SCAI: variants seen among roughly 807,000 people sequenced by gnomAD.
The protein encoded by SCAI is protein SCAI.
In SCAI, 24 loss-of-function variants were observed where a neutral mutation model predicts 92.2. The ratio of observed to expected loss-of-function variants is 0.26; its 90% CI spans 0.19 to 0.37. SCAI has a LOEUF of 0.37. Among genes scored for constraint, SCAI ranks in the 10% least tolerant of loss-of-function variants. SCAI has a pLI of 1.00. For missense variants in SCAI, 450 were observed against 736.2 expected (o/e 0.61, Z 4.50); for synonymous variants, 261 against 258.6 (o/e 1.01, Z -0.09).
chr9:125,106,120 AAAATATATATATATATATATAT>A (rs1834783447), intron 2 of SCAI, among the ~76,000 whole-genome samples: 1 of 18,148 alleles, frequency 5.5e-5, no homozygotes, highest in Non-Finnish European at 1.2e-4. Context: ...AAAAAAAAAA[AAAATATATATATATATATATAT>A]ATATATATAT....
At chr9:125,037,767 T>A (rs1429848176) in intron 3 of SCAI, among the ~76,000 whole-genome samples, 2 of 151,868 alleles carry the variant, frequency 1.3e-5, no homozygotes, top group Non-Finnish European at 2.9e-5. Flanking sequence ...ATACAAAATA[T>A]TAGCTGGGTC....
intron 9 of SCAI, among the ~76,000 whole-genome samples, chr9:125,010,376 T>G (rs1248509515): frequency 6.6e-6 from 1 of 152,094 alleles, no homozygotes; most frequent in African/African-American, 2.4e-5. Flanking sequence ...ACCAGGAGAT[T>G]ATATCCCGCA....
intron 14 of SCAI, among the ~76,000 whole-genome samples, chr9:124,984,282 T>C (rs981124103): frequency 6.6e-6 from 1 of 151,960 alleles, no homozygotes; most frequent in Non-Finnish European, 1.5e-5. Context: ...ATCAGAGATG[T>C]TTTTGGAAGA....
chr9:125,029,690 T>G lies in SCAI; in HGVS notation c.280A>C (p.Thr94Pro), dbSNP rs1204214481. The change falls in exon 4 of 18, where the codon ACT (threonine) becomes CCT (proline). Residue 94 changes from threonine (T) to proline (P), a missense_variant. Physicochemically the swap from Thr to Pro is conservative, Grantham distance 38 (BLOSUM62 -1). Coordinates refer to ENST00000336505, the MANE Select transcript of SCAI (RefSeq NM_001144877.3). ...CAGAGTTTGGTGTAAACATCAAAAG[T>G]TCTTCCAAAATAGGACTGCCACTGC... The part of the protein sequence containing the change: ...QKQWQSYFGR[T>P]FDVYTKLWKF... 1 of 1,613,302 alleles carries G rather than the reference T, an allele frequency of 6.2e-7. No individual in the cohort carries two copies. Among genetic ancestry groups the G allele is most frequent in the Non-Finnish European group, 8.5e-7 (1 of 1,179,600 alleles).
rs771219131 is a variant in SCAI at position 125,019,177 on chromosome 9, G to C, written c.638C>G (p.Thr213Ser). 2.9e-5 allele frequency: 46 copies of C among 1,586,856 alleles called. No individual in the cohort carries two copies. Among genetic ancestry groups the C allele is most frequent in the Non-Finnish European group, 3.9e-5 (46 of 1,167,502 alleles). The part of the protein sequence containing the change: ...KELSDEIEDY[T>S]HRFNTEDQVE... ...TTGATCTTCAGTATTAAATCGGTGA[G>C]TATAATCTTCAATTTCATCTGACAA... Residue 213 changes from threonine to serine, a missense_variant, in exon 8 of 18, where the codon ACT (threonine) becomes AGT (serine). Coordinates refer to ENST00000336505, the MANE Select transcript of SCAI (RefSeq NM_001144877.3).
chr9:125,106,260 A>T (rs1442231018), intron 2 of SCAI, among the ~76,000 whole-genome samples: 1 of 147,638 alleles, frequency 6.8e-6, no homozygotes, highest in African/African-American at 2.5e-5. Context: ...GTTTTCAAAT[A>T]AAAGCATGAT....
At chr9:125,125,070 A>C (rs1835232077) in intron 2 of SCAI, among the ~76,000 whole-genome samples, 1 of 151,908 alleles carries the variant, frequency 6.6e-6, no homozygotes, top group Admixed American at 6.6e-5. Context: ...AAAATACAAA[A>C]ATTAACCAGG....
At chr9:125,047,242 C>T (rs1212410485) in intron 3 of SCAI, among the ~76,000 whole-genome samples, 2 of 152,042 alleles carry the variant, frequency 1.3e-5, no homozygotes, top group African/African-American at 4.8e-5. Flanking sequence ...TTAGGACATA[C>T]AAAGAGGCGC....
chr9:125,126,578 G>GTA (rs2131258202), intron 2 of SCAI, among the ~76,000 whole-genome samples: 1 of 139,918 alleles, frequency 7.1e-6, no homozygotes, highest in African/African-American at 2.7e-5. Context: ...GTGTGTGTGT[G>GTA]TGTGTGTGTG....
intron 2 of SCAI, 32 bp downstream of exon 2, chr9:125,142,601 A>C (rs1327212804): frequency 6.3e-7 from 1 of 1,596,310 alleles, no homozygotes; most frequent in Non-Finnish European, 8.6e-7. Flanking sequence ...AAAAAGAAAA[A>C]CATGAAGCAA....
At chr9:125,056,796 C>G (rs1178731534) in intron 2 of SCAI, among the ~76,000 whole-genome samples, 1 of 152,090 alleles carries the variant, frequency 6.6e-6, no homozygotes, top group Non-Finnish European at 1.5e-5. Context: ...GAATACTGAC[C>G]ACTGCACTCT....
At chr9:125,024,111 T>G (rs1468168873) in intron 6 of SCAI, among the ~76,000 whole-genome samples, 1 of 152,122 alleles carries the variant, frequency 6.6e-6, no homozygotes, top group Non-Finnish European at 1.5e-5. Flanking sequence ...TCCTGCCTTC[T>G]ATTGTAATAA....
chr9:125,063,754 C>CTT (rs367915695), intron 2 of SCAI, among the ~76,000 whole-genome samples: 23 of 139,708 alleles, frequency 1.6e-4, no homozygotes, highest in Non-Finnish European at 2.8e-4. Context: ...TCCCTTTTAT[C>CTT]TTTTTTTTTT....
chr9:125,115,458 T>G (rs1458389951), intron 2 of SCAI, among the ~76,000 whole-genome samples: 1 of 151,822 alleles, frequency 6.6e-6, no homozygotes, highest in Non-Finnish European at 1.5e-5. Context: ...TGCTTGTTAT[T>G]TAGACACAAA....
chr9:124,961,119 G>A (rs1831426560), intron 17 of SCAI, among the ~76,000 whole-genome samples: 1 of 144,968 alleles, frequency 6.9e-6, no homozygotes, highest in South Asian at 2.2e-4. Flanking sequence ...CAGAGACTCT[G>A]TCTCAAATTA....
chr9:125,092,315 A>G (rs1286154740), intron 2 of SCAI, among the ~76,000 whole-genome samples: 1 of 150,866 alleles, frequency 6.6e-6, no homozygotes, highest in Non-Finnish European at 1.5e-5. Flanking sequence ...ATAAATAAAT[A>G]AATATTAGCC....
At chr9:125,108,946 A>T (rs1310054301) in intron 2 of SCAI, among the ~76,000 whole-genome samples, 1 of 152,184 alleles carries the variant, frequency 6.6e-6, no homozygotes, top group African/African-American at 2.4e-5. Context: ...AAGATAGAGA[A>T]ATCAGGTTGT....
intron 3 of SCAI, among the ~76,000 whole-genome samples, chr9:125,039,338 G>C (rs954225308): frequency 7.3e-6 from 1 of 136,444 alleles, no homozygotes; most frequent in Non-Finnish European, 1.5e-5. Flanking sequence ...AGTGAACCAA[G>C]ATCACGCCAC....
chr9:125,014,306 T>C (rs1410744217), intron 9 of SCAI, among the ~76,000 whole-genome samples: 1 of 152,184 alleles, frequency 6.6e-6, no homozygotes, highest in African/African-American at 2.4e-5. Context: ...AAAATCTCCT[T>C]AAGCTGATAA....
Sources: gnomAD v4.1 joint callset for allele counts (sites outside exome capture counted in the v4.1 genomes callset) on GRCh38, gnomAD v4.1.1 for gene constraint, MANE v1.5 for transcripts, NCBI Gene and HGNC (gene_info 2026-07-23, HGNC 2026-07-21) for gene names.